ATXN2: variants seen among roughly 807,000 people sequenced by gnomAD.
ATXN2 encodes the protein ataxin 2.
In ATXN2, 37 loss-of-function variants were observed where a neutral mutation model predicts 138.6. The ratio of observed to expected loss-of-function variants is 0.27; its 90% confidence interval spans 0.21 to 0.35. ATXN2 has a LOEUF of 0.35. Ranked by LOEUF, ATXN2 falls within the 10% of genes least tolerant of loss-of-function variation. ATXN2 has a pLI of 1.00. For missense variants in ATXN2, 1,216 were observed against 1,480.3 expected, an observed-to-expected ratio of 0.82 and a Z score of 2.93; for synonymous variants, 549 against 543.7, an observed-to-expected ratio of 1.01 and a Z score of -0.13.
intron 14 of ATXN2, among the ~76,000 whole-genome samples, chr12:111,492,371 A>G (rs1208925335): frequency 6.6e-6 from 1 of 152,186 alleles, no homozygotes; most frequent in Non-Finnish European, 1.5e-5. Flanking sequence ...TTCCCTTTGA[A>G]TACTTGAAAA....
In ATXN2 at chr12:111,487,935, C is replaced by A. The variant is rs562646943; in HGVS notation, c.2240+541G>T. ...ACTGGATTGTTTGGTACCCAAACAC[C>A]TAAGTCAATGGTAGTTAAGTTCTGA... On this transcript the variant is annotated intron_variant, in intron 15 of 24. Transcript: ENST00000673436. Among the ~76,000 whole-genome samples, 239 of 152,252 alleles carry A rather than the reference C, an allele frequency of 1.6e-3. 1 individual carries two copies. The highest frequency in any genetic ancestry group is 2.7e-3 in the Non-Finnish European group (183 of 68,024).
intron 20 of ATXN2, among the ~76,000 whole-genome samples, chr12:111,465,147 G>C (rs1445758974): frequency 6.6e-6 from 1 of 151,994 alleles, no homozygotes; most frequent in Non-Finnish European, 1.5e-5. Flanking sequence ...TAGGATCATA[G>C]CAAGAATATA....
intron 18 of ATXN2, among the ~76,000 whole-genome samples, chr12:111,472,437 G>A (rs774608312): frequency 6.6e-6 from 1 of 152,046 alleles, no homozygotes; most frequent in African/African-American, 2.4e-5. Flanking sequence ...CTTCATATAT[G>A]GTACTTCATA....
intron 1 of ATXN2, among the ~76,000 whole-genome samples, chr12:111,594,923 G>A (rs1332862741): frequency 6.6e-6 from 1 of 152,126 alleles, no homozygotes; most frequent in East Asian, 1.9e-4. Context: ...TAATAATAAT[G>A]GTTACAGGTT....
At chr12:111,492,206 G>T (rs1229102634) in intron 14 of ATXN2, among the ~76,000 whole-genome samples, 1 of 152,106 alleles carries the variant, frequency 6.6e-6, no homozygotes, top group Non-Finnish European at 1.5e-5. Flanking sequence ...AATGTAAGAG[G>T]ACAAGAGACT....
chr12:111,464,732 G>GAAAGA lies in ATXN2; in HGVS notation c.2843-18_2843-17insTCTTT, dbSNP rs1435054993. 1 of 1,604,762 alleles carries GAAAGA rather than the reference G, an allele frequency of 6.2e-7. No individual in the cohort carries two copies. Among genetic ancestry groups the GAAAGA allele is most frequent in the Admixed American group, 1.7e-5 (1 of 59,934 alleles). On this transcript the variant is annotated splice_polypyrimidine_tract_variant and intron_variant, in intron 20 of 24. Transcript: ENST00000673436. ...TGGGACATGCTGAATTTGGGAAATA[G>GAAAGA]AAAGGTAAATTAGCCTTTTGAGGTG...
intron 6 of ATXN2, among the ~76,000 whole-genome samples, chr12:111,523,793 T>C (rs193033382): frequency 6.6e-6 from 1 of 151,548 alleles, no homozygotes; most frequent in Non-Finnish European, 1.5e-5. Context: ...TCAGGCATGA[T>C]GGCTCACACC....
intron 18 of ATXN2, among the ~76,000 whole-genome samples, chr12:111,481,376 C>T (rs139676938): frequency 1.3e-5 from 2 of 152,226 alleles, no homozygotes; most frequent in African/African-American, 2.4e-5. Flanking sequence ...ACCCAGGAAG[C>T]GAAGGCTGCA....
rs1877813710 is a variant in ATXN2 at position 111,488,764 on chromosome 12, G to A, written c.1952C>T (p.Thr651Ile). 1 of 1,606,156 alleles carries A rather than the reference G, an allele frequency of 6.2e-7. No homozygotes were observed. Among genetic ancestry groups the A allele is most frequent in the African/African-American group, 1.3e-5 (1 of 74,896 alleles). Residue 651 changes from threonine to isoleucine, a missense_variant, in exon 15 of 25, where the codon ACT becomes ATT. Physicochemically the swap from Thr to Ile is moderately conservative, Grantham distance 89. This residue lies in a region of ATXN2 where 215 missense variants were observed against 210.0 expected (regional missense o/e 1.02). Coordinates refer to ENST00000673436, the MANE Select transcript of ATXN2 (RefSeq NM_001372574.1). ...TAGTAGTTGATCCATAGATTCAGAA[G>A]TAGAACTTGGCTGTAACTAAATAAA... ...KNDFRLQPSSTSESMDQLLNK... is the reference protein window; with the variant it reads ...KNDFRLQPSSISESMDQLLNK...
chr12:111,570,477 A>C (rs1301775060), intron 1 of ATXN2, among the ~76,000 whole-genome samples: 1 of 152,220 alleles, frequency 6.6e-6, no homozygotes, highest in East Asian at 1.9e-4. Flanking sequence ...ACTGAAACAT[A>C]TTCTTCCAAA....
chr12:111,582,268 A>T (rs894686999), intron 1 of ATXN2, among the ~76,000 whole-genome samples: 33 of 152,180 alleles, frequency 2.2e-4, no homozygotes, highest in African/African-American at 7.9e-4. Flanking sequence ...ACATGGTAAG[A>T]CCCTGTCACT....
chr12:111,533,980 T>C (rs1185100508), intron 5 of ATXN2, among the ~76,000 whole-genome samples: 2 of 152,128 alleles, frequency 1.3e-5, no homozygotes, highest in South Asian at 2.1e-4. Context: ...ATTTTAATCA[T>C]TGTCTATGGT....
intron 5 of ATXN2, among the ~76,000 whole-genome samples, chr12:111,542,728 T>C: frequency 6.6e-6 from 1 of 152,170 alleles, no homozygotes; most frequent in South Asian, 2.1e-4. Flanking sequence ...TCCAAAAGTG[T>C]TGAAATTACA....
chr12:111,491,121 C>T (rs896202304), intron 14 of ATXN2, among the ~76,000 whole-genome samples: 7 of 151,938 alleles, frequency 4.6e-5, no homozygotes, highest in Non-Finnish European at 7.4e-5. Flanking sequence ...GAGGTGGTAG[C>T]GCATGCCGGT....
intron 10 of ATXN2, among the ~76,000 whole-genome samples, chr12:111,514,601 T>C (rs1879753873): frequency 6.6e-6 from 1 of 152,212 alleles, no homozygotes; most frequent in South Asian, 2.1e-4. Flanking sequence ...CTCAACTCAC[T>C]GCAACCTCTG....
At chr12:111,570,556 A>T (rs1261298813) in intron 1 of ATXN2, among the ~76,000 whole-genome samples, 3 of 152,128 alleles carry the variant, frequency 2.0e-5, no homozygotes, top group African/African-American at 7.2e-5. Context: ...AATTTTTTCT[A>T]CATACACCAT....
Position 111,516,242 on chromosome 12 carries a change from G to A in ATXN2, c.1287C>T (p.Pro429=). The change falls in exon 10 of 25, where the codon CCC becomes CCT. Residue 429 remains proline (P), a synonymous_variant. Coordinates refer to ENST00000673436, the MANE Select transcript of ATXN2 (RefSeq NM_001372574.1). The surrounding 1 kb of genome is among the most constrained non-coding windows in gnomAD (Gnocchi z 5.0). ...GAGACGGGGGTCTGGATGGCCGCGA[G>A]GGGGGCCTGGAGGGCGGCCGTGTAG... ...ATPTRPPSRP[P]SRPSRPPSHP... 1 of 1,569,048 alleles carries A rather than the reference G, an allele frequency of 6.4e-7. No individual in the cohort carries two copies. Among genetic ancestry groups the A allele is most frequent in the Non-Finnish European group, 8.6e-7 (1 of 1,164,012 alleles).
chr12:111,453,457 C>T lies in ATXN2; in HGVS notation c.3439+220G>A. 7.8e-7 allele frequency: 1 copy of T among 1,279,406 alleles called. No individual in the cohort carries two copies. The highest frequency in any genetic ancestry group is 2.6e-5 in the South Asian group (1 of 39,110). 79.3% of individuals were successfully genotyped at this position (1,279,406 alleles called of 1,614,324 possible). A position where few individuals can be genotyped will look rare whatever the true frequency, so the allele number is the denominator to read the frequency against. On this transcript the variant is annotated intron_variant, in intron 24 of 24. Transcript: ENST00000673436. The surrounding 1 kb of genome is among the most constrained non-coding windows in gnomAD (Gnocchi z 5.4). ...GCTGCTGCTGCTGCTTCTCATCAAG[C>T]CAAATCCTGTATACCATCAGAACAC...
chr12:111,462,285 A>G lies in ATXN2; in HGVS notation c.2896+2377T>C, dbSNP rs144585975. On this transcript the variant is annotated intron_variant, in intron 21 of 24. Coordinates refer to ENST00000673436, the MANE Select transcript of ATXN2 (RefSeq NM_001372574.1). ...TATTTAAGATTCTAAACATATGATC[A>G]GTCAAAAATCCTTAATAACACTAAC... 1.2e-3 allele frequency among the ~76,000 whole-genome samples: 185 copies of G among 152,346 alleles called. 3 individuals are homozygous for G. The highest frequency in any genetic ancestry group is 5.9e-3 in the Admixed American group (90 of 15,304).
Sources: gnomAD v4.1 joint callset for allele counts (sites outside exome capture counted in the v4.1 genomes callset) on GRCh38, gnomAD v4.1.1 for gene constraint, gnomAD v4.1.1 regional missense constraint, Gnocchi (gnomAD v3.1) non-coding constraint, MANE v1.5 for transcripts, NCBI Gene and HGNC (gene_info 2026-07-23, HGNC 2026-07-21) for gene names.